The following CAST variants were observed in gnomAD, a reference collection of about 807,000 sequenced individuals.
The protein encoded by CAST is MIR583 host.
CAST carries 76 observed loss-of-function variants against 119.6 expected under a neutral mutation model. The ratio of observed to expected loss-of-function variants is 0.64; its 90% CI spans 0.53 to 0.77. The LOEUF (loss-of-function observed/expected upper bound fraction) is 0.77, where lower values mean the gene tolerates loss of function less well. Among genes scored for constraint, CAST ranks in the 30% least tolerant of loss-of-function variants. The pLI, the probability that CAST is intolerant of heterozygous loss-of-function variation, is 0.00. For missense variants in CAST, 953 were observed against 946.5 expected, an observed-to-expected ratio of 1.01 and a Z score of -0.09; for synonymous variants, 319 against 331.6, an observed-to-expected ratio of 0.96 and a Z score of 0.41.
At chr5:96,112,010 A>G in the CAST span, among the ~76,000 whole-genome samples, 2 of 151,212 alleles carry the variant, frequency 1.3e-5, no homozygotes, top group Non-Finnish European at 2.9e-5. Flanking sequence ...ATAGTTTTTT[A>G]TAATTAGAAA....
chr5:96,080,729 C>T, the CAST span, among the ~76,000 whole-genome samples: 4 of 152,262 alleles, frequency 2.6e-5, no homozygotes, highest in African/African-American at 9.6e-5. Context: ...TGACTTTGCA[C>T]ATGTTGTTCC....
intron 1 of CAST, among the ~76,000 whole-genome samples, chr5:96,549,612 G>C (rs1397542884): frequency 1.3e-5 from 2 of 152,184 alleles, no homozygotes; most frequent in Admixed American, 1.3e-4. Flanking sequence ...GGAAGCACAG[G>C]GGGTTGGGGG....
At chr5:96,444,900 A>C in the CAST span, among the ~76,000 whole-genome samples, 1 of 152,190 alleles carries the variant, frequency 6.6e-6, no homozygotes, top group Non-Finnish European at 1.5e-5. Flanking sequence ...GAGAGCGAGA[A>C]AAGAAAATCC....
chr5:96,498,909 G>A, the CAST span, among the ~76,000 whole-genome samples: 56 of 152,046 alleles, frequency 3.7e-4, no homozygotes, highest in Non-Finnish European at 3.2e-4. Context: ...CCACTATGGA[G>A]GACCATTCTT....
In CAST at chr5:96,662,462, C is replaced by T; in HGVS notation, c.40C>T (p.Pro14Ser). The change falls in exon 1 of 32, where the codon CCC (proline) becomes TCC (serine). Residue 14 changes from proline (P) to serine (S), a missense_variant. Transcript: ENST00000675179. ...PGQKPAASPR[P>S]RRAAAARRTH... The stretch of plus-strand genomic sequence containing the variant: ...CCAGAAGCCCGCCGCCTCCCCGCGG[C>T]CCCGGCGAGCAGCCGCCGCCCGCCG... 7.0e-7 allele frequency: 1 copy of T among 1,435,144 alleles called. No individual in the cohort carries two copies. The highest frequency in any genetic ancestry group is 9.1e-7 in the Non-Finnish European group (1 of 1,098,848). 88.9% of individuals were successfully genotyped at this position (1,435,144 alleles called of 1,614,324 possible). A position where few individuals can be genotyped will look rare whatever the true frequency, so the allele number is the denominator to read the frequency against.
intron 29 of CAST, among the ~76,000 whole-genome samples, chr5:96,768,778 G>A (rs17086665): frequency 0.096 from 14,543 of 151,998 alleles, 834 homozygotes; most frequent in African/African-American, 0.15. Context: ...CATTCCTCAG[G>A]GCACAGCTCA....
chr5:96,389,106 G>A, the CAST span, among the ~76,000 whole-genome samples: 1 of 152,030 alleles, frequency 6.6e-6, no homozygotes, highest in Admixed American at 6.5e-5. Flanking sequence ...GAGAGGTGGG[G>A]GGAAATGGGG....
At chr5:96,053,914 CACT>C in the CAST span, among the ~76,000 whole-genome samples, 1 of 152,200 alleles carries the variant, frequency 6.6e-6, no homozygotes, top group East Asian at 1.9e-4. Flanking sequence ...CCCCCAACTC[CACT>C]ACAGCTTTAG....
the CAST span, chr5:96,425,795 A>T: frequency 8.6e-6 from 11 of 1,282,456 alleles, no homozygotes; most frequent in African/African-American, 1.6e-4. Context: ...GGTCCCACCC[A>T]CATAGTCCTT....
the CAST span, among the ~76,000 whole-genome samples, chr5:96,466,512 A>G: frequency 6.6e-6 from 1 of 151,238 alleles, no homozygotes; most frequent in East Asian, 1.9e-4. Flanking sequence ...ATTCCCACCC[A>G]CACTTTGTAG....
chr5:96,423,517 G>A, the CAST span: 15 of 1,534,010 alleles, frequency 9.8e-6, no homozygotes, highest in Non-Finnish European at 1.4e-5. Flanking sequence ...CTACAAAATG[G>A]GCACTTCAGT....
chr5:96,465,316 A>G, the CAST span, among the ~76,000 whole-genome samples: 6 of 151,938 alleles, frequency 3.9e-5, no homozygotes, highest in African/African-American at 1.4e-4. Flanking sequence ...GATTCTTTAG[A>G]TTTTTAAATA....
At chr5:95,963,388 G>A in the CAST span, among the ~76,000 whole-genome samples, 2 of 152,170 alleles carry the variant, frequency 1.3e-5, no homozygotes, top group Admixed American at 6.5e-5. Context: ...ATTGGATTAA[G>A]TGGAAACACC....
At chr5:96,107,803 A>T in the CAST span, among the ~76,000 whole-genome samples, 1 of 152,098 alleles carries the variant, frequency 6.6e-6, no homozygotes, top group African/African-American at 2.4e-5. Flanking sequence ...CTCCTGGATA[A>T]TATCCTGCAG....
At chr5:96,627,317 A>G (rs1348564177) in intron 1 of CAST, among the ~76,000 whole-genome samples, 8 of 152,194 alleles carry the variant, frequency 5.3e-5, no homozygotes, top group Non-Finnish European at 1.0e-4. Flanking sequence ...AGTGTCTACA[A>G]CTCTGCAGAA....
chr5:96,619,432 G>T (rs534755488), intron 1 of CAST, among the ~76,000 whole-genome samples: 1 of 152,230 alleles, frequency 6.6e-6, no homozygotes, highest in African/African-American at 2.4e-5. Flanking sequence ...TCAGCTGTCT[G>T]TAAAATGGAC....
chr5:96,425,597 CT>C, the CAST span, among the ~76,000 whole-genome samples: 1 of 152,088 alleles, frequency 6.6e-6, no homozygotes. Context: ...AAAATACAAC[CT>C]ATTTTTTTCA....
the CAST span, among the ~76,000 whole-genome samples, chr5:96,011,636 A>T: frequency 1.3e-5 from 2 of 152,198 alleles, no homozygotes; most frequent in African/African-American, 4.8e-5. Flanking sequence ...CAAAAATTAG[A>T]TAATGTAACT....
chr5:96,687,995 T>G (rs1197591801), intron 2 of CAST, among the ~76,000 whole-genome samples: 1 of 152,200 alleles, frequency 6.6e-6, no homozygotes, highest in Non-Finnish European at 1.5e-5. Context: ...GGTTAGACAT[T>G]TGTTAAACGT....
Sources: gnomAD v4.1 joint callset for allele counts (sites outside exome capture counted in the v4.1 genomes callset) on GRCh38, gnomAD v4.1.1 for gene constraint, MANE v1.5 for transcripts, NCBI Gene and HGNC (gene_info 2026-07-23, HGNC 2026-07-21) for gene names.